The following SPRY3 variants were observed in gnomAD, a reference collection of about 807,000 sequenced individuals.
The protein encoded by SPRY3 is protein sprouty homolog 3.
In SPRY3, 15 loss-of-function variants were observed where a neutral mutation model predicts 20.2. That is an observed-to-expected ratio of 0.74 (90% CI 0.50 to 1.14). The LOEUF is 1.14. Among genes scored for constraint, SPRY3 ranks in the 50% most tolerant of loss-of-function variants. The probability of loss-of-function intolerance (pLI) is 0.00; values close to 1 mark genes in which losing one functional copy is unlikely to be tolerated. For missense variants in SPRY3, 364 were observed against 363.9 expected (o/e 1.00, Z 0.00); for synonymous variants, 143 against 136.5 (o/e 1.05, Z -0.33).
At position 155,713,894 on chromosome X, in the gene SPRY3, T is replaced by A. The variant is rs762538475; in HGVS notation, c.-281-54068T>A. Among the ~76,000 whole-genome samples, 397 of 152,264 alleles carry A rather than the reference T, an allele frequency of 2.6e-3. 1 individual carries two copies. Among genetic ancestry groups the A allele is most frequent in the African/African-American group, 9.0e-3 (374 of 41,566 alleles). On this transcript the variant is annotated intron_variant, in intron 2 of 3. Coordinates refer to ENST00000675360, the Ensembl canonical transcript of SPRY3. The stretch of plus-strand genomic sequence containing the variant: ...TACTTCATTTTTTTATTCTTTTTTA[T>A]TTTGTCTCCTCTGACTTTGTATTTT...
chrX:155,720,637 A>G (rs1294592715), intron 2 of SPRY3, among the ~76,000 whole-genome samples: 1 of 152,122 alleles, frequency 6.6e-6, no homozygotes, highest in Non-Finnish European at 1.5e-5. Context: ...AGTAAGGGAG[A>G]ACAGGAGTTT....
chrX:155,724,566 A>T (rs1266911071), intron 2 of SPRY3, among the ~76,000 whole-genome samples: 1 of 152,084 alleles, frequency 6.6e-6, no homozygotes, highest in Non-Finnish European at 1.5e-5. Flanking sequence ...CTTTGAAGCA[A>T]TTGTGAATGG....
intron 2 of SPRY3, among the ~76,000 whole-genome samples, chrX:155,754,620 T>C (rs5940408): frequency 0.04 from 6,144 of 152,028 alleles, 146 homozygotes; most frequent in African/African-American, 0.066. Context: ...TCATGAATTT[T>C]TGCAAAAAAA....
chrX:155,618,117 A>G (rs782622048), intron 1 of SPRY3, among the ~76,000 whole-genome samples: 2 of 112,165 alleles, frequency 1.8e-5, no homozygotes, highest in Admixed American at 1.9e-4. Context: ...ACCACAATTA[A>G]AATGTAGAAC....
chrX:155,669,588 T>A (rs1348793934), intron 2 of SPRY3, among the ~76,000 whole-genome samples: 1 of 111,192 alleles, frequency 9.0e-6, no homozygotes, highest in East Asian at 2.8e-4. Flanking sequence ...TTGAATCAAG[T>A]GATGTATTAT....
intron 2 of SPRY3, among the ~76,000 whole-genome samples, chrX:155,664,709 T>C (rs2068019443): frequency 9.1e-6 from 1 of 110,231 alleles, no homozygotes. Context: ...AAAAATTTAA[T>C]AATTTAATTT....
intron 2 of SPRY3, among the ~76,000 whole-genome samples, chrX:155,745,017 C>T (rs1254385154): frequency 9.2e-5 from 14 of 152,034 alleles, no homozygotes; most frequent in Non-Finnish European, 1.5e-5. Context: ...GAACTCATGT[C>T]TAAGGAACAT....
At chrX:155,625,935 C>T (rs1262843604) in intron 1 of SPRY3, among the ~76,000 whole-genome samples, 1 of 55,078 alleles carries the variant, frequency 1.8e-5, no homozygotes, top group Non-Finnish European at 4.7e-5. Flanking sequence ...ATGGATAAAC[C>T]ACATTTTGTT....
intron 2 of SPRY3, among the ~76,000 whole-genome samples, chrX:155,697,046 C>T (rs1196376589): frequency 9.0e-6 from 1 of 111,210 alleles, no homozygotes; most frequent in Non-Finnish European, 1.9e-5. Flanking sequence ...GAAGTAAGAA[C>T]TATTATTGTA....
intron 2 of SPRY3, among the ~76,000 whole-genome samples, chrX:155,680,166 G>A (rs941691936): frequency 1.9e-5 from 2 of 104,511 alleles, no homozygotes; most frequent in African/African-American, 7.1e-5. Context: ...GTGTGTGTGT[G>A]TGTGTGTGTG....
chrX:155,749,646 G>A (rs751588777), intron 2 of SPRY3, among the ~76,000 whole-genome samples: 1 of 151,874 alleles, frequency 6.6e-6, no homozygotes, highest in South Asian at 2.1e-4. Context: ...TAGAAATTGA[G>A]GTGAGGGCAA....
intron 2 of SPRY3, 41 bp from the exon 2 acceptor site, chrX:155,767,921 T>G (rs1603003454): frequency 7.8e-6 from 1 of 128,920 alleles, no homozygotes; most frequent in Non-Finnish European, 1.9e-5. Context: ...TTTGTTTTGT[T>G]TTGTTTTGTT....
chrX:155,753,921 G>A (rs306893), intron 2 of SPRY3, among the ~76,000 whole-genome samples: 1 of 151,604 alleles, frequency 6.6e-6, no homozygotes, highest in Non-Finnish European at 1.5e-5. Context: ...AATCCTTTGC[G>A]CATTTTTCCA....
At chrX:155,688,312 T>C (rs1002899359) in intron 2 of SPRY3, among the ~76,000 whole-genome samples, 1 of 110,769 alleles carries the variant, frequency 9.0e-6, no homozygotes, top group African/African-American at 3.3e-5. Context: ...TTATTCCATG[T>C]CTTTGCTATT....
chrX:155,672,290 C>G (rs868928405), intron 2 of SPRY3, among the ~76,000 whole-genome samples: 9 of 109,692 alleles, frequency 8.2e-5, no homozygotes, highest in East Asian at 2.8e-4. Flanking sequence ...CTACAAAATG[C>G]GAGAAAATTT....
intron 2 of SPRY3, among the ~76,000 whole-genome samples, chrX:155,719,475 A>G (rs2091042350): frequency 1.3e-5 from 2 of 152,094 alleles, no homozygotes; most frequent in East Asian, 3.9e-4. Flanking sequence ...CTACTGAGAC[A>G]CCAGCTGAGG....
chrX:155,664,853 A>T (rs1296440372), intron 2 of SPRY3, among the ~76,000 whole-genome samples: 10 of 109,575 alleles, frequency 9.1e-5, no homozygotes, highest in Non-Finnish European at 1.9e-4. Flanking sequence ...AGTCTTTATG[A>T]TATCTAGATG....
At chrX:155,633,376 T>TG (rs1244514558) in intron 1 of SPRY3, among the ~76,000 whole-genome samples, 4 of 21,093 alleles carry the variant, frequency 1.9e-4, no homozygotes, top group Admixed American at 5.9e-4. Flanking sequence ...CCGTCTCTAC[T>TG]AAAAAAAAAA....
At chrX:155,662,693 A>AAAC (rs1229533284) in intron 2 of SPRY3, among the ~76,000 whole-genome samples, 3 of 108,851 alleles carry the variant, frequency 2.8e-5, no homozygotes, top group African/African-American at 1.0e-4. Flanking sequence ...AAAAAAAAAA[A>AAAC]AAAAAAAAAA....
Sources: gnomAD v4.1 joint callset for allele counts (sites outside exome capture counted in the v4.1 genomes callset) on GRCh38, gnomAD v4.1.1 for gene constraint, MANE v1.5 for transcripts, NCBI Gene and HGNC (gene_info 2026-07-23, HGNC 2026-07-21) for gene names.